Variants in WARS2 observed in about 807,000 individuals in gnomAD.
WARS2 encodes tryptophanyl tRNA synthetase 2, mitochondrial.
WARS2 carries 28 observed loss-of-function variants against 36.5 expected under a neutral mutation model. The ratio of observed to expected loss-of-function variants is 0.77; its 90% CI spans 0.57 to 1.05. WARS2 has a LOEUF of 1.05. WARS2 is among the 50% of genes least tolerant of loss of function. The pLI is 0.00. For missense variants in WARS2, 435 were observed against 456.8 expected, an observed-to-expected ratio of 0.95 and a Z score of 0.44; for synonymous variants, 174 against 178.4, an observed-to-expected ratio of 0.98 and a Z score of 0.20.
At chr1:119,057,163 T>A (rs956551891) in intron 2 of WARS2, among the ~76,000 whole-genome samples, 3 of 152,088 alleles carry the variant, frequency 2.0e-5, no homozygotes, top group African/African-American at 7.2e-5. Context: ...ATTATCATTT[T>A]TGAGATGGAG....
chr1:119,042,519 T>C (rs1648459976), intron 3 of WARS2, among the ~76,000 whole-genome samples, 170 bp from the exon 4 acceptor site: 1 of 152,154 alleles, frequency 6.6e-6, no homozygotes, highest in South Asian at 2.1e-4. Flanking sequence ...TCTGGCTGGC[T>C]TGTCTTCATG....
intron 2 of WARS2, among the ~76,000 whole-genome samples, chr1:119,053,733 T>C (rs1649553385): frequency 6.6e-6 from 1 of 152,124 alleles, no homozygotes; most frequent in African/African-American, 2.4e-5. Context: ...TGGCAAGCAG[T>C]TAACATCCAG....
chr1:119,095,367 T>C (rs778575387), intron 1 of WARS2, among the ~76,000 whole-genome samples: 3 of 152,242 alleles, frequency 2.0e-5, no homozygotes, highest in Non-Finnish European at 4.4e-5. Flanking sequence ...CATTGGTTTA[T>C]AGTAACATTA....
chr1:119,139,422 T>C (rs1656771094), intron 1 of WARS2, among the ~76,000 whole-genome samples: 1 of 152,236 alleles, frequency 6.6e-6, no homozygotes, highest in African/African-American at 2.4e-5. Context: ...GGCTTTGTTT[T>C]GGCTTCATAA....
intron 3 of WARS2, among the ~76,000 whole-genome samples, chr1:119,045,269 T>C (rs903338190): frequency 7.9e-5 from 12 of 152,240 alleles, no homozygotes; most frequent in Admixed American, 7.8e-4. Flanking sequence ...CCTCAGAGTC[T>C]AGTAATCTAC....
chr1:119,093,932 A>G (rs932460008), intron 1 of WARS2, among the ~76,000 whole-genome samples: 15 of 152,234 alleles, frequency 9.9e-5, no homozygotes, highest in African/African-American at 3.1e-4. Flanking sequence ...GGGGCAATGC[A>G]GAGTAGAATA....
intron 1 of WARS2, among the ~76,000 whole-genome samples, chr1:119,107,011 G>A (rs2101481615): frequency 6.6e-6 from 1 of 152,252 alleles, no homozygotes; most frequent in East Asian, 1.9e-4. Flanking sequence ...TCTGTTAGGT[G>A]TGTAGTCATA....
intron 1 of WARS2, among the ~76,000 whole-genome samples, chr1:119,120,691 C>T (rs1218283813): frequency 6.6e-6 from 1 of 152,058 alleles, no homozygotes; most frequent in Non-Finnish European, 1.5e-5. Context: ...AGATAATCGA[C>T]CATGATCAAG....
chr1:119,124,592 C>T (rs1282139690), intron 1 of WARS2, among the ~76,000 whole-genome samples: 1 of 152,050 alleles, frequency 6.6e-6, no homozygotes, highest in East Asian at 1.9e-4. Context: ...CCATCTTCAC[C>T]ACTCACCGTA....
At chr1:119,138,057 C>T (rs1299563176) in intron 1 of WARS2, among the ~76,000 whole-genome samples, 2 of 152,152 alleles carry the variant, frequency 1.3e-5, no homozygotes, top group African/African-American at 4.8e-5. Context: ...TAAAAACTAA[C>T]TTGGCTATTT....
chr1:119,041,287 T>C (rs541506024), intron 4 of WARS2, among the ~76,000 whole-genome samples: 1 of 152,214 alleles, frequency 6.6e-6, no homozygotes, highest in South Asian at 2.1e-4. Context: ...CACATGCCAA[T>C]TGGGAGGCTT....
chr1:119,085,593 G>C (rs1652588496), intron 1 of WARS2: 1 of 1,542,600 alleles, frequency 6.5e-7, no homozygotes, highest in Non-Finnish European at 9.0e-7. Context: ...CATTTCTTCT[G>C]AGTCCTTAGG....
At chr1:119,085,473 C>T in intron 1 of WARS2, 1 of 1,558,884 alleles carries the variant, frequency 6.4e-7, no homozygotes, top group Admixed American at 2.1e-5. Context: ...TCCTTTTTGT[C>T]TTTTTTTGCG....
chr1:119,065,367 G>A (rs1407896492), intron 2 of WARS2, among the ~76,000 whole-genome samples: 3 of 151,962 alleles, frequency 2.0e-5, no homozygotes, highest in Non-Finnish European at 2.9e-5. Context: ...AAATGGAGGA[G>A]GGAATGAAAC....
intron 1 of WARS2, chr1:119,127,063 C>T (rs1655716273): frequency 2.6e-6 from 2 of 762,962 alleles, no homozygotes; most frequent in African/African-American, 1.7e-5. Flanking sequence ...GCAACTTCAT[C>T]ATTCTGCAAA....
At chr1:119,106,125 GAGA>G (rs1369185101) in intron 1 of WARS2, among the ~76,000 whole-genome samples, 1 of 152,208 alleles carries the variant, frequency 6.6e-6, no homozygotes, top group African/African-American at 2.4e-5. Flanking sequence ...GTCAGAAGTA[GAGA>G]AAGTATTAAC....
chr1:119,136,529 A>G lies in WARS2; in HGVS notation c.90+4026T>C, dbSNP rs181211375. ...CCACGCAACACCTTTTTTTGCCATG[A>G]GAGATGAAGTAACCTCATCAAACTG... On this transcript the variant is annotated intron_variant, in intron 1 of 5. Coordinates refer to ENST00000235521, the MANE Select transcript of WARS2 (RefSeq NM_015836.4). Among the ~76,000 whole-genome samples the G allele has an allele frequency of 2.6e-5, 4 of 152,332 alleles. No individual in the cohort carries two copies. The East Asian group carries it at 7.7e-4, about 29-fold the overall frequency.
chr1:119,113,765 T>C (rs1193299562), intron 1 of WARS2, among the ~76,000 whole-genome samples: 1 of 152,162 alleles, frequency 6.6e-6, no homozygotes, highest in African/African-American at 2.4e-5. Flanking sequence ...CACCCTATGC[T>C]TCTGCTATTT....
intron 1 of WARS2, among the ~76,000 whole-genome samples, chr1:119,097,167 A>G (rs1048330056): frequency 1.3e-5 from 2 of 152,226 alleles, no homozygotes; most frequent in Admixed American, 1.3e-4. Flanking sequence ...TTGAAATGTC[A>G]TCAGTCGAGT....
Sources: allele counts gnomAD v4.1 joint callset (sites outside exome capture counted in the v4.1 genomes callset), GRCh38; gene constraint gnomAD v4.1.1; transcripts MANE v1.5; gene names NCBI Gene and HGNC (gene_info 2026-07-23, HGNC 2026-07-21).